MNAT1: variants seen among roughly 807,000 people sequenced by gnomAD.
The protein encoded by MNAT1 is CDK-activating kinase assembly factor MAT1.
Under a neutral mutation model 42.0 loss-of-function variants are expected in MNAT1, and 43 were observed. The observed-to-expected ratio is 1.02, with a 90% CI of 0.80 to 1.32. The LOEUF is 1.32. Among genes scored for constraint, MNAT1 ranks in the 40% most tolerant of loss-of-function variants. The probability of loss-of-function intolerance (pLI) is 0.00; values close to 1 mark genes in which losing one functional copy is unlikely to be tolerated. For synonymous variants in MNAT1, 118 were observed against 120.0 expected (o/e 0.98, Z 0.11); for missense variants, 306 against 350.4 (o/e 0.87, Z 1.01).
intron 1 of MNAT1, among the ~76,000 whole-genome samples, chr14:60,758,142 T>C (rs1050237557): frequency 6.6e-6 from 1 of 152,110 alleles, no homozygotes; most frequent in African/African-American, 2.4e-5. Context: ...CTTAATAACT[T>C]CCAAATTACA....
Position 60,796,307 on chromosome 14 carries a change from A to G in MNAT1, c.180A>G (p.Val60=). ...GTPLRKSNFR[V]QLFEDPTVDK... Reference sequence around the variant, plus strand: ...CACTCAGAAAGAGCAACTTCAGGGTACAACTCTTTGAAGATCCCACTGTTG... The same window carrying G: ...CACTCAGAAAGAGCAACTTCAGGGTGCAACTCTTTGAAGATCCCACTGTTG... Residue 60 remains valine, a synonymous_variant, in exon 2 of 8, where the codon GTA becomes GTG. Coordinates refer to ENST00000261245, the MANE Select transcript of MNAT1 (RefSeq NM_002431.4). 6.2e-7 allele frequency: 1 copy of G among 1,613,804 alleles called. No homozygotes were observed. Among genetic ancestry groups the G allele is most frequent in the Middle Eastern group, 1.7e-4 (1 of 6,056 alleles).
intron 7 of MNAT1, among the ~76,000 whole-genome samples, chr14:60,927,319 G>A: frequency 6.6e-6 from 1 of 152,138 alleles, no homozygotes; most frequent in East Asian, 1.9e-4. Context: ...TAATTTTAGT[G>A]TGCTACTACC....
intron 7 of MNAT1, among the ~76,000 whole-genome samples, chr14:60,948,444 C>T (rs527762815): frequency 2.8e-4 from 42 of 152,010 alleles, no homozygotes; most frequent in Non-Finnish European, 4.7e-4. Flanking sequence ...AAAAGATATT[C>T]GAGGCATACA....
chr14:60,941,949 A>C (rs1000257484), intron 7 of MNAT1, among the ~76,000 whole-genome samples: 1 of 129,172 alleles, frequency 7.7e-6, no homozygotes, highest in East Asian at 2.7e-4. Context: ...ACTTGCAGTG[A>C]GCCGAGATCG....
At chr14:60,959,507 G>A (rs377016387) in intron 7 of MNAT1, among the ~76,000 whole-genome samples, 1 of 119,590 alleles carries the variant, frequency 8.4e-6, no homozygotes, top group Admixed American at 8.8e-5. Flanking sequence ...CTTTCATCCT[G>A]CTCTCCATTG....
chr14:60,863,157 A>G (rs886894319), intron 6 of MNAT1, among the ~76,000 whole-genome samples: 5 of 152,136 alleles, frequency 3.3e-5, no homozygotes, highest in Middle Eastern at 3.2e-3. Context: ...TTTGTGATAA[A>G]TAGAAATAAA....
intron 6 of MNAT1, among the ~76,000 whole-genome samples, chr14:60,840,813 GC>G (rs2033528020): frequency 6.6e-6 from 1 of 152,056 alleles, no homozygotes; most frequent in African/African-American, 2.4e-5. Context: ...ACAGGCATGT[GC>G]CACCATACCC....
chr14:60,775,981 C>T (rs968390047), intron 1 of MNAT1, among the ~76,000 whole-genome samples: 1 of 152,142 alleles, frequency 6.6e-6, no homozygotes, highest in African/African-American at 2.4e-5. Flanking sequence ...TTAGTGTGAA[C>T]TTCAGTAAGG....
At chr14:60,860,354 C>CTTTTTTTTTTTTTTTTTT (rs11409940) in intron 6 of MNAT1, among the ~76,000 whole-genome samples, 1 of 128,676 alleles carries the variant, frequency 7.8e-6, no homozygotes, top group Non-Finnish European at 1.6e-5. Flanking sequence ...TTTTTCTTTT[C>CTTTTTTTTTTTTTTTTTT]TTTTTTTTTT....
intron 1 of MNAT1, among the ~76,000 whole-genome samples, chr14:60,738,746 GC>G (rs1247233537): frequency 6.6e-6 from 1 of 152,018 alleles, no homozygotes; most frequent in Non-Finnish European, 1.5e-5. Flanking sequence ...TGTTGGTCAG[GC>G]TGGTCTTGAA....
At chr14:60,909,086 T>C (rs1220820397) in intron 7 of MNAT1, among the ~76,000 whole-genome samples, 3 of 152,268 alleles carry the variant, frequency 2.0e-5, no homozygotes, top group Admixed American at 2.0e-4. Context: ...ATGATTAGAA[T>C]TTTTTCATGT....
intron 3 of MNAT1, 152 bp from the exon 4 acceptor site, chr14:60,808,173 T>A (rs1367546060): frequency 2.0e-6 from 1 of 490,640 alleles, no homozygotes; most frequent in Non-Finnish European, 3.6e-6. Flanking sequence ...CTAGAGCTAG[T>A]CTCTAAAATA....
intron 7 of MNAT1, among the ~76,000 whole-genome samples, chr14:60,951,836 G>A (rs1438458405): frequency 6.6e-6 from 1 of 151,862 alleles, no homozygotes; most frequent in Non-Finnish European, 1.5e-5. Flanking sequence ...GATCGTGAAG[G>A]CATACTGTTA....
chr14:60,831,835 A>G (rs1333613824), intron 6 of MNAT1, among the ~76,000 whole-genome samples: 1 of 152,152 alleles, frequency 6.6e-6, no homozygotes, highest in African/African-American at 2.4e-5. Context: ...CCTCTCTAGC[A>G]TCTATTGTTT....
intron 6 of MNAT1, among the ~76,000 whole-genome samples, chr14:60,872,383 C>A (rs2034344543): frequency 6.6e-6 from 1 of 152,174 alleles, no homozygotes; most frequent in Non-Finnish European, 1.5e-5. Context: ...ATGCATCCAT[C>A]CTACATTACT....
At position 60,808,368 on chromosome 14, in the gene MNAT1, G is replaced by T; in HGVS notation, c.360G>T (p.Lys120Asn). Reference protein sequence around the residue: ...TNNVDLDNTKKKMEIYQKENK... With the variant: ...TNNVDLDNTKNKMEIYQKENK... The stretch of plus-strand genomic sequence containing the variant: ...ATGTGGATTTGGACAACACCAAAAA[G>T]AAAATGGAGATATACCAAAAGGAAA... The change falls in exon 4 of 8, where the codon AAG becomes AAT. Residue 120 changes from lysine (K) to asparagine (N), a missense_variant. Around this residue, in one of 3 missense-constraint regions of MNAT1, gnomAD observed 118 missense variants for 99.8 expected, o/e 1.18. Coordinates refer to ENST00000261245, the MANE Select transcript of MNAT1 (RefSeq NM_002431.4). The T allele has an allele frequency of 6.3e-7, 1 of 1,586,510 alleles. No homozygotes were observed.
intron 6 of MNAT1, among the ~76,000 whole-genome samples, chr14:60,838,636 G>A (rs1379174684): frequency 1.3e-5 from 2 of 152,214 alleles, no homozygotes; most frequent in Non-Finnish European, 2.9e-5. Context: ...GAGCCAGTGG[G>A]AGCTGGGAAC....
At chr14:60,813,747 G>A (rs1398325208) in intron 5 of MNAT1, among the ~76,000 whole-genome samples, 8 of 152,076 alleles carry the variant, frequency 5.3e-5, no homozygotes, top group Non-Finnish European at 2.9e-5. Context: ...TTAGTGATAA[G>A]AATTATGAAA....
At chr14:60,850,792 AAAAG>A (rs1445126525) in intron 6 of MNAT1, among the ~76,000 whole-genome samples, 6 of 152,214 alleles carry the variant, frequency 3.9e-5, no homozygotes, top group Non-Finnish European at 5.9e-5. Context: ...CAACAAAGTA[AAAAG>A]AAAGAGAGTG....
Sources: gnomAD v4.1 joint callset for allele counts (sites outside exome capture counted in the v4.1 genomes callset) on GRCh38, gnomAD v4.1.1 for gene constraint, gnomAD v4.1.1 regional missense constraint, MANE v1.5 for transcripts, NCBI Gene and HGNC (gene_info 2026-07-23, HGNC 2026-07-21) for gene names.